DMD: variants seen among roughly 807,000 people sequenced by gnomAD.
DMD encodes the protein mutant dystrophin.
A neutral mutation model predicts 330.1 loss-of-function variants in DMD; 63 were observed. The observed-to-expected ratio is 0.19, with a 90% confidence interval of 0.16 to 0.24. The LOEUF (loss-of-function observed/expected upper bound fraction) is 0.24. Ranked by LOEUF, DMD falls within the 10% of genes least tolerant of loss-of-function variation. The pLI is 1.00. For synonymous variants in DMD, 1,223 were observed against 959.8 expected (o/e 1.27, Z -5.07); for missense variants, 3,344 against 2,684.1 (o/e 1.25, Z -5.43).
intron 47 of DMD, among the ~76,000 whole-genome samples, chrX:31,901,989 A>C (rs781365696): frequency 9.0e-5 from 10 of 111,629 alleles, no homozygotes; most frequent in South Asian, 3.7e-4. Context: ...AATTTTCAAG[A>C]ATACAATGCA....
chrX:32,024,311 C>T (rs2095829388), intron 44 of DMD, among the ~76,000 whole-genome samples: 1 of 108,962 alleles, frequency 9.2e-6, no homozygotes, highest in African/African-American at 3.4e-5. Flanking sequence ...ATGGTGAAGC[C>T]CTGTCTCTAC....
At chrX:32,618,753 C>CA (rs1183406338) in intron 11 of DMD, among the ~76,000 whole-genome samples, 1 of 109,978 alleles carries the variant, frequency 9.1e-6, no homozygotes, top group African/African-American at 3.3e-5. Context: ...CTATCCAAAA[C>CA]AAAAAAAGAT....
In DMD at chrX:32,362,912, G is replaced by T. The variant is rs1464839283; in HGVS notation, c.5201C>A (p.Thr1734Lys). Residue 1734 changes from threonine (T) to lysine (K), a missense_variant, in exon 37 of 79, where the codon ACA becomes AAA. Physicochemically the swap from Thr to Lys is moderately conservative, Grantham distance 78. Coordinates refer to ENST00000357033, the MANE Select transcript of DMD (RefSeq NM_004006.3). ...LNDIRPKVDS[T>K]RDQAANLMAN... ...CATCAAGTTTGCTGCTTGGTCACGT[G>T]TAGAGTCCACCTTTGGGCGTATGTC... 8.3e-7 allele frequency: 1 copy of T among 1,208,893 alleles called. No homozygotes were observed. Among genetic ancestry groups the T allele is most frequent in the African/African-American group, 1.8e-5 (1 of 56,906 alleles).
At chrX:32,414,332 G>T (rs1211111328) in intron 29 of DMD, among the ~76,000 whole-genome samples, 1 of 111,533 alleles carries the variant, frequency 9.0e-6, no homozygotes, top group Admixed American at 9.5e-5. Flanking sequence ...GTATTTTTTT[G>T]ATTTGACAAG....
chrX:32,734,694 G>A (rs1466089039), intron 7 of DMD, among the ~76,000 whole-genome samples: 9 of 109,644 alleles, frequency 8.2e-5, no homozygotes, highest in South Asian at 7.9e-4. Flanking sequence ...TGCAGAAAAG[G>A]CCTTTGACAA....
At chrX:31,301,755 G>GTT (rs200141315) in intron 62 of DMD, among the ~76,000 whole-genome samples, 6 of 109,234 alleles carry the variant, frequency 5.5e-5, no homozygotes, top group African/African-American at 1.7e-4. Context: ...TTTTTTGTTT[G>GTT]TTTTTTTTTG....
intron 1 of DMD, among the ~76,000 whole-genome samples, chrX:33,126,998 C>T: frequency 9.0e-6 from 1 of 111,165 alleles, no homozygotes; most frequent in East Asian, 2.8e-4. Context: ...AAATGACAAC[C>T]ACTTAGTCCA....
chrX:31,506,150 T>C (rs2070924059), intron 56 of DMD, among the ~76,000 whole-genome samples: 2 of 112,149 alleles, frequency 1.8e-5, no homozygotes, highest in Admixed American at 9.4e-5. Context: ...TTAGTTGCTA[T>C]CATTATTTCA....
intron 9 of DMD, among the ~76,000 whole-genome samples, chrX:32,672,898 G>A (rs568022442): frequency 9.0e-6 from 1 of 110,622 alleles, no homozygotes; most frequent in East Asian, 2.9e-4. Flanking sequence ...TGGATTAAAG[G>A]CTTACCAGAA....
intron 55 of DMD, among the ~76,000 whole-genome samples, chrX:31,513,674 G>A (rs751221931): frequency 3.6e-5 from 4 of 110,802 alleles, no homozygotes; most frequent in East Asian, 2.8e-4. Flanking sequence ...AAGCAATAAC[G>A]AATGAACAAA....
chrX:33,183,449 C>T (rs936269138), intron 1 of DMD, among the ~76,000 whole-genome samples: 3 of 111,826 alleles, frequency 2.7e-5, no homozygotes, highest in Non-Finnish European at 1.9e-5. Flanking sequence ...AAAAGATAGC[C>T]AGTCCCCACA....
At position 31,144,473 on chromosome X, in the gene DMD, G is replaced by C. The variant is rs1478087478; in HGVS notation, c.10921+1818C>G. Among the ~76,000 whole-genome samples, 3 of 111,770 alleles carry C rather than the reference G, an allele frequency of 2.7e-5. No homozygotes were observed. In the Admixed American group the frequency reaches 2.8e-4, roughly 11 times the overall value. On this transcript the variant is annotated intron_variant, in intron 76 of 78. Transcript: ENST00000357033. ...TTTACTTCCATGATATCCAACTTTTGAATTTTCCCGACTGTGATCTCCAAA... is the reference window on the plus strand; with the variant it reads ...TTTACTTCCATGATATCCAACTTTTCAATTTTCCCGACTGTGATCTCCAAA...
At chrX:31,530,752 G>A (rs2073718672) in intron 55 of DMD, among the ~76,000 whole-genome samples, 2 of 60,233 alleles carry the variant, frequency 3.3e-5, no homozygotes, top group South Asian at 1.2e-3. Flanking sequence ...GTATACATGT[G>A]CCATGCTGGT....
rs763184254 is a variant in DMD at position 33,189,690 on chromosome X, GGGTAGGAGAGGA to G, written c.31+21580_31+21591del. Among the ~76,000 whole-genome samples, 14 of 110,956 alleles carry G rather than the reference GGGTAGGAGAGGA, an allele frequency of 1.3e-4. No homozygotes were observed. In the East Asian group the frequency reaches 4.0e-3, roughly 32 times the overall value. On this transcript the variant is annotated intron_variant, in intron 1 of 78. Coordinates refer to ENST00000357033, the MANE Select transcript of DMD (RefSeq NM_004006.3). ...GGTTAGGAGTAAGAGATGAGGAGAA[GGGTAGGAGAGGA>G]GGTAGCAGCAATAAGCTGGGTCCTG...
intron 7 of DMD, among the ~76,000 whole-genome samples, chrX:32,738,576 G>T (rs763698534): frequency 9.0e-6 from 1 of 111,481 alleles, no homozygotes; most frequent in South Asian, 3.8e-4. Flanking sequence ...AAACTGATCA[G>T]GTTTCTTTTC....
intron 62 of DMD, among the ~76,000 whole-genome samples, chrX:31,279,996 A>T (rs1001376696): frequency 8.9e-6 from 1 of 112,477 alleles, no homozygotes; most frequent in African/African-American, 3.2e-5. Context: ...CTCAGTGTTA[A>T]GCCAGTAAGT....
At chrX:33,035,563 A>G (rs112668302) in intron 1 of DMD, among the ~76,000 whole-genome samples, 5,212 of 111,775 alleles carry the variant, frequency 0.047, 293 homozygotes, top group African/African-American at 0.16. Context: ...GACAGTAAGT[A>G]TTGACATAAT....
intron 60 of DMD, among the ~76,000 whole-genome samples, chrX:31,370,457 G>A (rs1294561041): frequency 8.9e-5 from 10 of 111,956 alleles, no homozygotes; most frequent in African/African-American, 1.6e-4. Flanking sequence ...CATTTGCCAC[G>A]AGGGAAACGT....
intron 44 of DMD, among the ~76,000 whole-genome samples, chrX:32,071,075 T>C (rs1379993132): frequency 9.0e-6 from 1 of 111,251 alleles, no homozygotes; most frequent in Non-Finnish European, 1.9e-5. Context: ...TGTCGGACAT[T>C]TGGGTTGGTT....
Sources: allele counts gnomAD v4.1 joint callset (sites outside exome capture counted in the v4.1 genomes callset), GRCh38; gene constraint gnomAD v4.1.1; transcripts MANE v1.5; gene names NCBI Gene and HGNC (gene_info 2026-07-23, HGNC 2026-07-21).